VPS37A: variants seen among roughly 807,000 people sequenced by gnomAD.
The protein encoded by VPS37A is VPS37A subunit of ESCRT-I.
Under a neutral mutation model 49.8 loss-of-function variants are expected in VPS37A, and 30 were observed. The observed-to-expected ratio is 0.60, with a 90% CI of 0.45 to 0.82. The LOEUF is 0.82. VPS37A is among the 40% of genes least tolerant of loss of function. The pLI, the probability that VPS37A is intolerant of heterozygous loss-of-function variation, is 0.00. For synonymous variants in VPS37A, 195 were observed against 160.6 expected, an observed-to-expected ratio of 1.21 and a Z score of -1.62; for missense variants, 593 against 464.4, an observed-to-expected ratio of 1.28 and a Z score of -2.55.
At chr8:17,322,914 C>T in the VPS37A span, among the ~76,000 whole-genome samples, 6 of 151,482 alleles carry the variant, frequency 4.0e-5, no homozygotes, top group East Asian at 3.9e-4. Context: ...TCTTAATGAA[C>T]CTTCACAACC....
intron 1 of VPS37A, among the ~76,000 whole-genome samples, chr8:17,259,225 CT>C (rs1322849765): frequency 3.3e-5 from 5 of 151,980 alleles, no homozygotes; most frequent in African/African-American, 1.2e-4. Flanking sequence ...TATAAACTTT[CT>C]TCTTTGTATC....
At chr8:17,325,339 G>A in the VPS37A span, among the ~76,000 whole-genome samples, 132 of 152,214 alleles carry the variant, frequency 8.7e-4, 2 homozygotes, top group South Asian at 8.1e-3. Context: ...TTTCCACACC[G>A]AATGAAGATT....
chr8:17,266,813 G>A (rs573532080), intron 2 of VPS37A, among the ~76,000 whole-genome samples: 5 of 152,100 alleles, frequency 3.3e-5, no homozygotes, highest in South Asian at 2.1e-4. Flanking sequence ...TCCCTCTGTC[G>A]CCCAGACTGG....
the VPS37A span, chr8:17,309,322 A>G: frequency 3.2e-6 from 5 of 1,559,972 alleles, no homozygotes; most frequent in Non-Finnish European, 4.4e-6. Flanking sequence ...CTTTTCAATT[A>G]ATACCTACAC....
At chr8:17,276,216 C>T (rs1165990177) in intron 5 of VPS37A, among the ~76,000 whole-genome samples, 181 bp from the exon 6 acceptor site, 4 of 151,770 alleles carry the variant, frequency 2.6e-5, no homozygotes, top group Non-Finnish European at 5.9e-5. Context: ...ATGTATACGA[C>T]GCTGAAAAGA....
chr8:17,321,424 C>T, the VPS37A span, among the ~76,000 whole-genome samples: 6 of 152,304 alleles, frequency 3.9e-5, no homozygotes, highest in South Asian at 2.1e-4. Context: ...ATTAACATTG[C>T]GTGTGCTAAG....
In VPS37A at chr8:17,284,264, A is replaced by G. The variant is rs868625048; in HGVS notation, c.970-209A>G. On this transcript the variant is annotated intron_variant, in intron 9 of 11. Coordinates refer to ENST00000324849, the MANE Select transcript of VPS37A (RefSeq NM_152415.3). ...TCTCTCATTTAATAGTTTGCAGCCAATAGATTAGTTTCTCTTGAGTTAGGT... is the reference window on the plus strand; with the variant it reads ...TCTCTCATTTAATAGTTTGCAGCCAGTAGATTAGTTTCTCTTGAGTTAGGT... Among the ~76,000 whole-genome samples, 66 of 152,330 alleles carry G rather than the reference A, an allele frequency of 4.3e-4. 1 individual carries two copies. The highest frequency in any genetic ancestry group is 1.4e-3 in the African/African-American group (60 of 41,582).
rs112488037 is a variant in VPS37A at position 17,252,759 on chromosome 8, A to G, written c.125+5390A>G. ...TTCATGTGTGTTACCTCGCTGGTGT[A>G]GTTATTTGATAGGAAAACTTCTTTA... On this transcript the variant is annotated intron_variant, in intron 1 of 11. Coordinates refer to ENST00000324849, the MANE Select transcript of VPS37A (RefSeq NM_152415.3). Among the ~76,000 whole-genome samples, 436 of 152,320 alleles carry G rather than the reference A, an allele frequency of 2.9e-3. 2 individuals carry two copies. The highest frequency in any genetic ancestry group is 9.7e-3 in the African/African-American group (402 of 41,578).
At chr8:17,266,042 CT>C in intron 2 of VPS37A, 61 bp downstream of exon 2, 1 of 1,440,570 alleles carries the variant, frequency 6.9e-7, no homozygotes, top group East Asian at 2.3e-5. Flanking sequence ...TTTATTGTTT[CT>C]TAGTTATTAG....
At chr8:17,305,523 C>G (rs1817390439), downstream of VPS37A, among the ~76,000 whole-genome samples, 1 of 152,134 alleles carries the variant, frequency 6.6e-6, no homozygotes, top group Non-Finnish European at 1.5e-5. Context: ...TCAAGTCTGT[C>G]AAGCTGTCTA....
the VPS37A span, among the ~76,000 whole-genome samples, chr8:17,315,843 C>A: frequency 1.3e-5 from 2 of 152,038 alleles, no homozygotes; most frequent in African/African-American, 4.8e-5. Flanking sequence ...GAGACTCAGG[C>A]TCTACAAAAA....
At chr8:17,309,391 A>C in the VPS37A span, 1 of 1,117,822 alleles carries the variant, frequency 8.9e-7, no homozygotes, top group Non-Finnish European at 1.3e-6. Context: ...CCACACAACC[A>C]ATAATGTTGA....
At chr8:17,270,274 T>G (rs921063437) in intron 4 of VPS37A, among the ~76,000 whole-genome samples, 2 of 152,162 alleles carry the variant, frequency 1.3e-5, no homozygotes, top group African/African-American at 4.8e-5. Context: ...CTAAAAACTT[T>G]TGGTTGAAAT....
At chr8:17,300,455 A>G (rs1278140559), downstream of VPS37A, among the ~76,000 whole-genome samples, 1 of 152,182 alleles carries the variant, frequency 6.6e-6, no homozygotes, top group Non-Finnish European at 1.5e-5. Flanking sequence ...TTCTATAATA[A>G]TAAACAATAT....
At chr8:17,309,526 G>A in the VPS37A span, among the ~76,000 whole-genome samples, 1 of 152,222 alleles carries the variant, frequency 6.6e-6, no homozygotes, top group African/African-American at 2.4e-5. Flanking sequence ...CATGGGAACA[G>A]TGAGTGGAAA....
At chr8:17,309,252 C>T in the VPS37A span, 29 of 1,427,606 alleles carry the variant, frequency 2.0e-5, no homozygotes, top group Non-Finnish European at 2.8e-5. Context: ...TCTAAACATT[C>T]AAAACAGTCT....
chr8:17,306,619 G>A (rs564242842), downstream of VPS37A, among the ~76,000 whole-genome samples: 2 of 152,226 alleles, frequency 1.3e-5, no homozygotes, highest in African/African-American at 4.8e-5. Flanking sequence ...GAGTTTTACA[G>A]AGAATCCAAA....
intron 1 of VPS37A, among the ~76,000 whole-genome samples, chr8:17,250,683 C>T (rs1271668708): frequency 1.3e-5 from 2 of 152,162 alleles, no homozygotes; most frequent in African/African-American, 4.8e-5. Flanking sequence ...TCCACTTCAG[C>T]AGTCTCTTTT....
chr8:17,263,090 A>G (rs1439893930), intron 1 of VPS37A, among the ~76,000 whole-genome samples: 2 of 152,098 alleles, frequency 1.3e-5, no homozygotes, highest in Non-Finnish European at 2.9e-5. Context: ...TTGTAAAATA[A>G]CATTTACTAA....
Sources: allele counts gnomAD v4.1 joint callset (sites outside exome capture counted in the v4.1 genomes callset), GRCh38; gene constraint gnomAD v4.1.1; transcripts MANE v1.5; gene names NCBI Gene and HGNC (gene_info 2026-07-23, HGNC 2026-07-21).